Variants in ST18 observed in about 807,000 individuals in gnomAD.
ST18 encodes the protein ST18 C2H2C-type zinc finger transcription factor.
ST18 carries 50 observed loss-of-function variants against 110.0 expected under a neutral mutation model. The ratio of observed to expected loss-of-function variants is 0.45; its 90% CI spans 0.36 to 0.58. The LOEUF (loss-of-function observed/expected upper bound fraction) is 0.58. Among genes scored for constraint, ST18 ranks in the 20% least tolerant of loss-of-function variants. ST18 has a pLI of 0.00. For synonymous variants in ST18, 461 were observed against 452.4 expected (o/e 1.02, Z -0.24); for missense variants, 1,306 against 1,280.1 (o/e 1.02, Z -0.31).
At chr8:52,398,784 C>A (rs1344577773) in intron 2 of ST18, among the ~76,000 whole-genome samples, 1 of 152,030 alleles carries the variant, frequency 6.6e-6, no homozygotes, top group Non-Finnish European at 1.5e-5. Flanking sequence ...TGCACGCCAG[C>A]AATAAACTTG....
At chr8:52,296,233 T>C (rs1301458920) in intron 2 of ST18, 1 of 152,234 alleles carries the variant, frequency 6.6e-6, no homozygotes, top group Non-Finnish European at 1.5e-5. Flanking sequence ...AATGACTTCT[T>C]GGTAACATAT....
rs778135179 is a variant in ST18 at position 52,159,228 on chromosome 8, C to T, written c.1595-119G>A. Reference sequence around the variant, plus strand: ...AATATGTGAAGAATAAATTAAAACACGTTCCATTATCCATGGGAACATTAA... The same window carrying T: ...AATATGTGAAGAATAAATTAAAACATGTTCCATTATCCATGGGAACATTAA... On this transcript the variant is annotated intron_variant, in intron 14 of 25. Transcript: ENST00000689386. The T allele has an allele frequency of 5.5e-5, 51 of 935,116 alleles. No homozygotes were observed. The Middle Eastern group carries it at 1.1e-3, about 20-fold the overall frequency. The allele number at this position is 935,116 out of a possible 1,614,324, so 57.9% of individuals were successfully genotyped here. A position where few individuals can be genotyped will look rare whatever the true frequency, so the allele number is the denominator to read the frequency against.
intron 2 of ST18, among the ~76,000 whole-genome samples, chr8:52,358,717 C>A (rs1407807570): frequency 6.6e-6 from 1 of 151,836 alleles, no homozygotes; most frequent in Non-Finnish European, 1.5e-5. Context: ...TAACAATAAA[C>A]CATACAACTA....
intron 9 of ST18, among the ~76,000 whole-genome samples, chr8:52,174,243 G>T (rs1477792326): frequency 6.6e-6 from 1 of 152,084 alleles, no homozygotes; most frequent in Non-Finnish European, 1.5e-5. Context: ...AGGAACTCCA[G>T]GTTTAAATAA....
intron 2 of ST18, among the ~76,000 whole-genome samples, chr8:52,321,680 C>T (rs16917676): frequency 6.6e-6 from 1 of 152,100 alleles, no homozygotes; most frequent in South Asian, 2.1e-4. Flanking sequence ...CCAACTAGGT[C>T]ATTTATGAAT....
chr8:52,393,605 G>A (rs1840049880), intron 2 of ST18: 1 of 152,030 alleles, frequency 6.6e-6, no homozygotes. Context: ...CAGGAGGCTG[G>A]ACACAGTGGT....
At chr8:52,125,845 G>C in intron 23 of ST18, 1 of 530,366 alleles carries the variant, frequency 1.9e-6, no homozygotes, top group Middle Eastern at 4.5e-4. Flanking sequence ...CTCTGTTGGA[G>C]ATCACTCCTT....
intron 8 of ST18, among the ~76,000 whole-genome samples, chr8:52,211,635 G>A (rs532546105): frequency 6.6e-6 from 1 of 152,088 alleles, no homozygotes; most frequent in South Asian, 2.1e-4. Flanking sequence ...TTGAACTCCT[G>A]AGCTCAGAAA....
At chr8:52,172,626 A>T (rs759833405) in intron 9 of ST18, 43 bp from the exon 10 acceptor site, 22 of 1,478,806 alleles carry the variant, frequency 1.5e-5, no homozygotes, top group Non-Finnish European at 1.8e-6. Flanking sequence ...AAGAACAAAA[A>T]ATATTTTAGG....
chr8:52,388,090 C>T (rs190651469), intron 2 of ST18, among the ~76,000 whole-genome samples: 81 of 152,138 alleles, frequency 5.3e-4, no homozygotes, highest in African/African-American at 1.7e-3. Flanking sequence ...TTTGCTGTAA[C>T]GCTTGTTTCG....
intron 17 of ST18, among the ~76,000 whole-genome samples, chr8:52,138,499 G>C (rs1186799440): frequency 1.3e-5 from 2 of 152,192 alleles, no homozygotes; most frequent in Non-Finnish European, 2.9e-5. Flanking sequence ...CAGGAGGATT[G>C]CTTGAGCCTA....
At chr8:52,289,688 A>T (rs1308860202) in intron 2 of ST18, among the ~76,000 whole-genome samples, 1 of 152,028 alleles carries the variant, frequency 6.6e-6, no homozygotes, top group Admixed American at 6.5e-5. Context: ...GCTGCTCACG[A>T]TGTTGAAGTA....
At chr8:52,277,041 A>T (rs1165574593) in intron 2 of ST18, among the ~76,000 whole-genome samples, 1 of 152,214 alleles carries the variant, frequency 6.6e-6, no homozygotes, top group Non-Finnish European at 1.5e-5. Context: ...TGCTGGGATT[A>T]TAGGCATGAG....
intron 2 of ST18, among the ~76,000 whole-genome samples, chr8:52,252,655 G>T (rs1372545348): frequency 6.6e-6 from 1 of 151,906 alleles, no homozygotes; most frequent in African/African-American, 2.4e-5. Flanking sequence ...TTAAAATGAT[G>T]CTCCTACCAT....
chr8:52,249,710 C>T (rs989911404), intron 2 of ST18, among the ~76,000 whole-genome samples: 9 of 152,014 alleles, frequency 5.9e-5, no homozygotes, highest in African/African-American at 1.9e-4. Flanking sequence ...AGGTATCTTA[C>T]GGGCTTAATA....
intron 16 of ST18, among the ~76,000 whole-genome samples, chr8:52,143,945 A>G (rs2056276176): frequency 6.6e-6 from 1 of 152,138 alleles, no homozygotes; most frequent in South Asian, 2.1e-4. Flanking sequence ...TTATTTTTAT[A>G]TTACTTCCTG....
At chr8:52,118,883 G>A (rs1254744450) in intron 23 of ST18, among the ~76,000 whole-genome samples, 2 of 152,098 alleles carry the variant, frequency 1.3e-5, no homozygotes, top group Admixed American at 1.3e-4. Flanking sequence ...AAACCTCAAA[G>A]CCCTTGCATT....
chr8:52,200,186 G>GAA (rs5891454), intron 8 of ST18, among the ~76,000 whole-genome samples: 1 of 151,760 alleles, frequency 6.6e-6, no homozygotes, highest in African/African-American at 2.4e-5. Context: ...ATATTCTTAT[G>GAA]AAAAAAAGAC....
At chr8:52,223,928 C>T (rs1236494460) in intron 3 of ST18, among the ~76,000 whole-genome samples, 1 of 152,080 alleles carries the variant, frequency 6.6e-6, no homozygotes, top group Non-Finnish European at 1.5e-5. Flanking sequence ...CTCCAAAGAC[C>T]ACTCTGAGAT....
Sources: gnomAD v4.1 joint callset for allele counts (sites outside exome capture counted in the v4.1 genomes callset) on GRCh38, gnomAD v4.1.1 for gene constraint, MANE v1.5 for transcripts, NCBI Gene and HGNC (gene_info 2026-07-23, HGNC 2026-07-21) for gene names.